The following CLSTN2 variants were observed in gnomAD, a reference collection of about 807,000 sequenced individuals.
CLSTN2 encodes calsyntenin-2.
Under a neutral mutation model 101.2 loss-of-function variants are expected in CLSTN2, and 48 were observed. The ratio of observed to expected loss-of-function variants is 0.47; its 90% CI spans 0.38 to 0.60. The LOEUF is 0.60. CLSTN2 is among the 20% of genes least tolerant of loss of function. CLSTN2 has a pLI of 0.00. For synonymous variants in CLSTN2, 481 were observed against 463.6 expected, an observed-to-expected ratio of 1.04 and a Z score of -0.48; for missense variants, 1,160 against 1,238.2, an observed-to-expected ratio of 0.94 and a Z score of 0.95.
intron 8 of CLSTN2, among the ~76,000 whole-genome samples, chr3:140,480,655 G>C (rs895966849): frequency 1.3e-5 from 2 of 152,154 alleles, no homozygotes; most frequent in Non-Finnish European, 2.9e-5. Flanking sequence ...GTGTGAGATG[G>C]TATCTCACTG....
chr3:140,378,314 A>G (rs952485701), intron 2 of CLSTN2, among the ~76,000 whole-genome samples: 9 of 152,232 alleles, frequency 5.9e-5, no homozygotes, highest in Non-Finnish European at 1.3e-4. Context: ...GATGCTCAGT[A>G]AATATTTGAT....
At chr3:140,136,636 C>T (rs1292597312) in intron 1 of CLSTN2, among the ~76,000 whole-genome samples, 5 of 152,118 alleles carry the variant, frequency 3.3e-5, no homozygotes, top group African/African-American at 1.2e-4. Flanking sequence ...ATTAACCATC[C>T]ATGTGACTTC....
At chr3:140,133,425 C>T (rs1212751400) in intron 1 of CLSTN2, among the ~76,000 whole-genome samples, 1 of 152,162 alleles carries the variant, frequency 6.6e-6, no homozygotes, top group African/African-American at 2.4e-5. Context: ...CCTGATTTTG[C>T]AGTAGAATTA....
intron 2 of CLSTN2, among the ~76,000 whole-genome samples, chr3:140,242,416 CT>C (rs1390842742): frequency 1.7e-4 from 26 of 152,134 alleles, no homozygotes; most frequent in Non-Finnish European, 3.1e-4. Context: ...GGCCCTAAGT[CT>C]TCCATGGACC....
At chr3:140,135,371 A>G (rs1241330641) in intron 1 of CLSTN2, among the ~76,000 whole-genome samples, 5 of 151,938 alleles carry the variant, frequency 3.3e-5, no homozygotes, top group African/African-American at 2.4e-5. Context: ...GCAAGTTTCT[A>G]TCACACTTTT....
At chr3:140,056,025 C>T (rs1039091069) in intron 1 of CLSTN2, among the ~76,000 whole-genome samples, 9 of 152,070 alleles carry the variant, frequency 5.9e-5, no homozygotes, top group Non-Finnish European at 8.8e-5. Context: ...ACTTTGTGGT[C>T]GTTGGTACCA....
chr3:140,009,221 T>A (rs1159902145), intron 1 of CLSTN2, among the ~76,000 whole-genome samples: 1 of 152,236 alleles, frequency 6.6e-6, no homozygotes, highest in Admixed American at 6.5e-5. Flanking sequence ...TATTTTCTGT[T>A]CTTTCCTGAA....
chr3:140,330,216 C>G (rs953275867), intron 2 of CLSTN2, among the ~76,000 whole-genome samples: 17 of 152,228 alleles, frequency 1.1e-4, no homozygotes, highest in African/African-American at 4.1e-4. Flanking sequence ...AGATACTTGT[C>G]GTGCTCCATG....
At chr3:140,307,229 G>A (rs75670143) in intron 2 of CLSTN2, among the ~76,000 whole-genome samples, 2,565 of 152,136 alleles carry the variant, frequency 0.017, 49 homozygotes, top group Middle Eastern at 0.061. Context: ...TTGCCCACTC[G>A]GGTGTGTCTT....
Position 140,065,077 on chromosome 3 carries a change from A to G in CLSTN2, c.110-110874A>G, listed in dbSNP as rs2008275741. Among the ~76,000 whole-genome samples, 2 of 152,270 alleles carry G rather than the reference A, an allele frequency of 1.3e-5. 1 individual carries two copies. The highest frequency in any genetic ancestry group is 4.1e-4 in the South Asian group (2 of 4,832). On this transcript the variant is annotated intron_variant, in intron 1 of 16. Coordinates refer to ENST00000458420, the MANE Select transcript of CLSTN2 (RefSeq NM_022131.3). ...ACAACCATGGAAGCAATTTAAAATG[A>G]TGATTAATGAATTATCCAAAAGAAG... is the stretch of plus-strand genomic sequence containing the variant.
chr3:140,266,745 T>C (rs2086696663), intron 2 of CLSTN2, among the ~76,000 whole-genome samples: 1 of 152,178 alleles, frequency 6.6e-6, no homozygotes, highest in Non-Finnish European at 1.5e-5. Context: ...AGATCTTGAT[T>C]AGTCTAAGTG....
intron 2 of CLSTN2, among the ~76,000 whole-genome samples, chr3:140,256,918 GC>G (rs1370727312): frequency 2.6e-5 from 4 of 152,288 alleles, no homozygotes; most frequent in Non-Finnish European, 5.9e-5. Context: ...GCACTTGTTT[GC>G]TCTATGCTAA....
intron 2 of CLSTN2, among the ~76,000 whole-genome samples, chr3:140,283,804 C>G (rs182346973): frequency 6.6e-6 from 1 of 152,248 alleles, no homozygotes; most frequent in Non-Finnish European, 1.5e-5. Flanking sequence ...TGATAATGTT[C>G]TCTGCTCAAT....
At chr3:140,056,783 G>GAA (rs966177248) in intron 1 of CLSTN2, among the ~76,000 whole-genome samples, 6 of 152,018 alleles carry the variant, frequency 3.9e-5, no homozygotes, top group Admixed American at 2.6e-4. Flanking sequence ...AGATATTTGT[G>GAA]AAAAAAAATG....
intron 10 of CLSTN2, among the ~76,000 whole-genome samples, chr3:140,555,364 A>G (rs1238123446): frequency 1.3e-5 from 2 of 152,242 alleles, no homozygotes; most frequent in East Asian, 1.9e-4. Flanking sequence ...GCAAACATGT[A>G]TAAGTGTCCC....
At chr3:140,126,513 G>A (rs1289176636) in intron 1 of CLSTN2, among the ~76,000 whole-genome samples, 1 of 152,020 alleles carries the variant, frequency 6.6e-6, no homozygotes, top group Non-Finnish European at 1.5e-5. Context: ...GAATGTGAAG[G>A]AACTATCCAA....
intron 2 of CLSTN2, among the ~76,000 whole-genome samples, chr3:140,290,400 C>A (rs1157021713): frequency 6.6e-6 from 1 of 152,128 alleles, no homozygotes; most frequent in Non-Finnish European, 1.5e-5. Context: ...CCACAATATA[C>A]CCGAGCATTA....
At chr3:140,418,728 C>T (rs555329690) in intron 4 of CLSTN2, among the ~76,000 whole-genome samples, 6 of 151,972 alleles carry the variant, frequency 3.9e-5, no homozygotes, top group South Asian at 2.1e-4. Context: ...TTGTTGGTCA[C>T]GCTGGTCTCG....
At chr3:139,965,337 G>T (rs1935576536) in intron 1 of CLSTN2, among the ~76,000 whole-genome samples, 1 of 152,170 alleles carries the variant, frequency 6.6e-6, no homozygotes, top group Non-Finnish European at 1.5e-5. Flanking sequence ...AGGAAGCAAG[G>T]AGCAGGGGCA....
Sources: allele counts gnomAD v4.1 joint callset (sites outside exome capture counted in the v4.1 genomes callset), GRCh38; gene constraint gnomAD v4.1.1; transcripts MANE v1.5; gene names NCBI Gene and HGNC (gene_info 2026-07-23, HGNC 2026-07-21).